RABGAP1: variants seen among roughly 807,000 people sequenced by gnomAD.
The protein encoded by RABGAP1 is RAB GTPase activating protein 1.
A neutral mutation model predicts 137.6 loss-of-function variants in RABGAP1; 23 were observed. The observed-to-expected ratio is 0.17, with a 90% CI of 0.12 to 0.24. The LOEUF (loss-of-function observed/expected upper bound fraction) is 0.24. Ranked by LOEUF, RABGAP1 falls within the 10% of genes least tolerant of loss-of-function variation. The probability of loss-of-function intolerance (pLI) is 1.00; values close to 1 mark genes in which losing one functional copy is unlikely to be tolerated. For missense variants in RABGAP1, 906 were observed against 1,275.8 expected, an observed-to-expected ratio of 0.71 and a Z score of 4.42; for synonymous variants, 451 against 450.7, an observed-to-expected ratio of 1.00 and a Z score of -0.01.
At chr9:123,073,973 T>C (rs1233389680) in intron 16 of RABGAP1, among the ~76,000 whole-genome samples, 1 of 152,208 alleles carries the variant, frequency 6.6e-6, no homozygotes, top group Non-Finnish European at 1.5e-5. Context: ...TGAAGCTGAC[T>C]GGTTAGGAAT....
chr9:123,035,212 C>G (rs1055452356), intron 13 of RABGAP1: 10 of 1,614,138 alleles, frequency 6.2e-6, no homozygotes, highest in Non-Finnish European at 8.5e-6. Flanking sequence ...CAACATCTTC[C>G]GCATCTGCCA....
At chr9:123,051,838 A>G (rs2033490888) in intron 13 of RABGAP1, among the ~76,000 whole-genome samples, 1 of 150,828 alleles carries the variant, frequency 6.6e-6, no homozygotes, top group African/African-American at 2.4e-5. Context: ...GTCATCCAGG[A>G]TGGAGTGCAG....
At chr9:123,007,120 A>G (rs778465797) in intron 10 of RABGAP1, among the ~76,000 whole-genome samples, 1 of 149,910 alleles carries the variant, frequency 6.7e-6, no homozygotes, top group Non-Finnish European at 1.5e-5. Context: ...GAGTCTCACT[A>G]TGGAGTGCAG....
chr9:123,078,903 G>C (rs566754336), intron 19 of RABGAP1, among the ~76,000 whole-genome samples: 1 of 151,880 alleles, frequency 6.6e-6, no homozygotes, highest in Non-Finnish European at 1.5e-5. Flanking sequence ...CTTCTCTATC[G>C]CATGTCTCCT....
In RABGAP1 at chr9:123,089,833, C is replaced by A; in HGVS notation, c.2500C>A (p.Pro834Thr). ...GGAACAGCAGGCCCAGCAAGAAGAC[C>A]CCATCGAGCGATTTGAGGTTTGTTT... ...MREQQAQQED[P>T]IERFERENRR... Residue 834 changes from proline to threonine, a missense_variant, in exon 20 of 26, where the codon CCC becomes ACC. Pro to Thr is a conservative substitution (Grantham distance 38). This residue lies in a region of RABGAP1 where 77 missense variants were observed against 105.6 expected (regional missense o/e 0.73). Coordinates refer to ENST00000373647, the MANE Select transcript of RABGAP1 (RefSeq NM_012197.4). 6.2e-7 allele frequency: 1 copy of A among 1,613,612 alleles called. No homozygotes were observed. Among genetic ancestry groups the A allele is most frequent in the Non-Finnish European group, 8.5e-7 (1 of 1,179,710 alleles).
At chr9:123,057,875 AC>A (rs988425395) in intron 13 of RABGAP1, among the ~76,000 whole-genome samples, 3 of 151,940 alleles carry the variant, frequency 2.0e-5, no homozygotes, top group African/African-American at 4.8e-5. Context: ...ACACAGCAAA[AC>A]CCCGTCTCCA....
chr9:123,022,664 C>T (rs1686151746), intron 13 of RABGAP1, among the ~76,000 whole-genome samples: 1 of 152,078 alleles, frequency 6.6e-6, no homozygotes, highest in Non-Finnish European at 1.5e-5. Context: ...CTCGACCTCC[C>T]AAAGTGCTGG....
At chr9:123,068,975 AAATT>A (rs1177568312) in intron 14 of RABGAP1, among the ~76,000 whole-genome samples, 1 of 152,252 alleles carries the variant, frequency 6.6e-6, no homozygotes, top group Non-Finnish European at 1.5e-5. Flanking sequence ...CACAAGAAAT[AAATT>A]TGTCAAACAA....
At chr9:123,087,982 G>A (rs193098728) in intron 19 of RABGAP1, among the ~76,000 whole-genome samples, 4 of 152,104 alleles carry the variant, frequency 2.6e-5, no homozygotes, top group Middle Eastern at 3.4e-3. Context: ...AGATTTCCAC[G>A]TCAGCACTTT....
At chr9:123,074,682 GAAGA>G (rs1364003300) in intron 17 of RABGAP1, among the ~76,000 whole-genome samples, 2 of 152,212 alleles carry the variant, frequency 1.3e-5, no homozygotes, top group African/African-American at 2.4e-5. Context: ...TGTATTGAAT[GAAGA>G]AACCCAAAGT....
intron 13 of RABGAP1, among the ~76,000 whole-genome samples, chr9:123,048,114 T>C (rs1022148170): frequency 6.6e-6 from 1 of 151,898 alleles, no homozygotes; most frequent in East Asian, 1.9e-4. Flanking sequence ...TAATTTTGTA[T>C]TTTTAGTAGA....
At position 122,996,787 on chromosome 9, in the gene RABGAP1, T is replaced by G. The variant is rs373546729; in HGVS notation, c.1101+182T>G. Among the ~76,000 whole-genome samples the G allele has an allele frequency of 6.6e-5, 10 of 152,336 alleles. No individual in the cohort carries two copies. The East Asian group carries it at 1.9e-3, about 29-fold the overall frequency. On this transcript the variant is annotated intron_variant, in intron 8 of 25. Coordinates refer to ENST00000373647, the MANE Select transcript of RABGAP1 (RefSeq NM_012197.4). The stretch of plus-strand genomic sequence containing the variant: ...GACTAGCTATTTACAAGTCTGACTT[T>G]GGATAAGCCTTGGTCTGTTAACTGT...
intron 13 of RABGAP1, among the ~76,000 whole-genome samples, chr9:123,061,395 A>C (rs1763000233): frequency 6.6e-6 from 1 of 152,236 alleles, no homozygotes. Context: ...GATTACAGGC[A>C]TGAGCTACTG....
intron 14 of RABGAP1, among the ~76,000 whole-genome samples, chr9:123,068,665 T>C (rs896261403): frequency 3.5e-5 from 5 of 143,474 alleles, no homozygotes; most frequent in Admixed American, 7.2e-5. Flanking sequence ...TATGTATGTT[T>C]CTCATCCTGT....
intron 13 of RABGAP1, among the ~76,000 whole-genome samples, chr9:123,059,552 C>T (rs2033884924): frequency 6.6e-6 from 1 of 151,942 alleles, no homozygotes; most frequent in Non-Finnish European, 1.5e-5. Flanking sequence ...GATACTCCGT[C>T]TCAAAATAAA....
chr9:122,946,269 A>G (rs1833945560), intron 1 of RABGAP1, among the ~76,000 whole-genome samples: 1 of 152,218 alleles, frequency 6.6e-6, no homozygotes, highest in Non-Finnish European at 1.5e-5. Context: ...GACTTTGATC[A>G]TCTGTTGAAT....
At chr9:122,966,783 T>TA (rs752128864) in intron 2 of RABGAP1, among the ~76,000 whole-genome samples, 7 of 152,144 alleles carry the variant, frequency 4.6e-5, no homozygotes, top group Non-Finnish European at 1.0e-4. Flanking sequence ...TTAATGGACT[T>TA]ACAGTTCCAC....
intron 25 of RABGAP1, 56 bp downstream of exon 25, chr9:123,101,819 T>C (rs1379461310): frequency 1.4e-6 from 2 of 1,473,608 alleles, no homozygotes. Flanking sequence ...TGATGTGCAC[T>C]AGAGACCCCA....
At position 123,074,364 on chromosome 9, in the gene RABGAP1, C is replaced by G; in HGVS notation, c.2189C>G (p.Thr730Ser). Reference protein sequence around the residue: ...AHMYASQWFLTLFTAKFPLYM... With the variant: ...AHMYASQWFLSLFTAKFPLYM... ...ATGTATGCCTCCCAGTGGTTTCTTA[C>G]TCTTTTCACTGCAAAATTCCCTCTC... is the stretch of plus-strand genomic sequence containing the variant. The change falls in exon 17 of 26, where the codon ACT becomes AGT. Residue 730 changes from threonine (T) to serine (S), a missense_variant. Around this residue, in one of 9 missense-constraint regions of RABGAP1, gnomAD observed 19 missense variants for 63.0 expected, o/e 0.30. Transcript: ENST00000373647. 2 of 1,613,394 alleles carry G rather than the reference C, an allele frequency of 1.2e-6. No homozygotes were observed. Among genetic ancestry groups the G allele is most frequent in the East Asian group, 4.5e-5 (2 of 44,864 alleles).
Sources: gnomAD v4.1 joint callset for allele counts (sites outside exome capture counted in the v4.1 genomes callset) on GRCh38, gnomAD v4.1.1 for gene constraint, gnomAD v4.1.1 regional missense constraint, MANE v1.5 for transcripts, NCBI Gene and HGNC (gene_info 2026-07-23, HGNC 2026-07-21) for gene names.